ALDH1A3: variants seen among roughly 807,000 people sequenced by gnomAD.
ALDH1A3 encodes aldehyde dehydrogenase 1 family member A3.
Under a neutral mutation model 57.5 loss-of-function variants are expected in ALDH1A3, and 28 were observed. That is an observed-to-expected ratio of 0.49 (90% CI 0.36 to 0.67). ALDH1A3 has a LOEUF of 0.67. Among genes scored for constraint, ALDH1A3 ranks in the 30% least tolerant of loss-of-function variants. The probability of loss-of-function intolerance (pLI) is 0.00; values close to 1 mark genes in which losing one functional copy is unlikely to be tolerated. For missense variants in ALDH1A3, 507 were observed against 669.4 expected (o/e 0.76, Z 2.68); for synonymous variants, 281 against 264.8 (o/e 1.06, Z -0.59).
At chr15:100,903,722 G>C (rs2041794105) in intron 9 of ALDH1A3, among the ~76,000 whole-genome samples, 1 of 152,136 alleles carries the variant, frequency 6.6e-6, no homozygotes, top group African/African-American at 2.4e-5. Context: ...ATGCTATCTT[G>C]TTTCATTTTA....
chr15:100,886,688 C>T (rs1405878127), intron 2 of ALDH1A3, among the ~76,000 whole-genome samples: 2 of 152,174 alleles, frequency 1.3e-5, no homozygotes, highest in Non-Finnish European at 2.9e-5. Context: ...GAAAAAGAGA[C>T]AGTGACACTA....
chr15:100,894,210 G>C lies in ALDH1A3; in HGVS notation c.666+128G>C. The C allele has an allele frequency of 7.9e-7, 1 of 1,260,920 alleles. No homozygotes were observed. The highest frequency in any genetic ancestry group is 2.4e-5 in the East Asian group (1 of 42,410). The allele number at this position is 1,260,920 out of a possible 1,614,324, so 78.1% of individuals were successfully genotyped here. ...TCGAGTGGGAAGGGAATGACTTCCAGTGTTTTGTTTGGCGACTGCACGTTC... is the reference window on the plus strand; with the variant it reads ...TCGAGTGGGAAGGGAATGACTTCCACTGTTTTGTTTGGCGACTGCACGTTC... On this transcript the variant is annotated intron_variant, in intron 6 of 12. Transcript: ENST00000329841. This position sits in a 1 kb window ranked among gnomAD's most constrained non-coding sequence, Gnocchi z 4.5.
rs889816801 is a variant in ALDH1A3, at chr15:100,893,508, G to A, written c.538-446G>A. The A allele has an allele frequency of 1.2e-4, 21 of 169,864 alleles. No individual in the cohort carries two copies. The highest frequency in any genetic ancestry group is 2.9e-4 in the Admixed American group (5 of 17,396). 10.5% of individuals were successfully genotyped at this position (169,864 alleles called of 1,614,324 possible). ...CAGCAGCTTTGGCTGCTAAGGGGCCGGGACTTTATTCATTGGGCGGTGGGG... is the reference window on the plus strand; with the variant it reads ...CAGCAGCTTTGGCTGCTAAGGGGCCAGGACTTTATTCATTGGGCGGTGGGG... On this transcript the variant is annotated intron_variant, in intron 5 of 12. Transcript: ENST00000329841. The surrounding 1 kb of genome is among the most constrained non-coding windows in gnomAD (Gnocchi z 4.8).
intron 1 of ALDH1A3, among the ~76,000 whole-genome samples, chr15:100,883,789 TG>T (rs1240519420): frequency 6.6e-6 from 1 of 152,156 alleles, no homozygotes; most frequent in East Asian, 1.9e-4. Context: ...AAGCCGGAGC[TG>T]TGGAGTTTAT....
At chr15:100,880,279 T>A in intron 1 of ALDH1A3, 1 of 384,284 alleles carries the variant, frequency 2.6e-6, no homozygotes. Flanking sequence ...CCCGCATCCC[T>A]GCGAGGCCCC....
intron 11 of ALDH1A3, 92 bp from the exon 12 acceptor site, chr15:100,908,316 C>T (rs914711200): frequency 5.7e-5 from 59 of 1,044,014 alleles, no homozygotes; most frequent in Non-Finnish European, 8.5e-5. Context: ...GTTTATTAGA[C>T]AATGCCCTGC....
chr15:100,886,461 G>A (rs2041595786), intron 2 of ALDH1A3, among the ~76,000 whole-genome samples: 1 of 152,136 alleles, frequency 6.6e-6, no homozygotes, highest in Non-Finnish European at 1.5e-5. Flanking sequence ...TCTGCAGCTG[G>A]AAAGGTCCTG....
At position 100,916,502 on chromosome 15, in the gene ALDH1A3, C is replaced by T. The variant is rs952827451; in HGVS notation, c.*1729C>T. 6.6e-6 allele frequency: 1 copy of T among 152,408 alleles called. No individual in the cohort carries two copies. Among genetic ancestry groups the T allele is most frequent in the Non-Finnish European group, 1.5e-5 (1 of 68,042 alleles). The allele number at this position is 152,408 out of a possible 1,614,324, so 9.4% of individuals were successfully genotyped here. A position where few individuals can be genotyped will look rare whatever the true frequency, so the allele number is the denominator to read the frequency against. On this transcript the variant is annotated 3_prime_UTR_variant, in exon 13 of 13. Transcript: ENST00000329841. The stretch of plus-strand genomic sequence containing the variant: ...TGGAAATATATATAGTGTTAGGTTT[C>T]ACTTCTTTTAAGGTTTACCCCTGTG...
At chr15:100,914,587 A>T in intron 12 of ALDH1A3, 114 bp from the exon 13 acceptor site, 1 of 927,906 alleles carries the variant, frequency 1.1e-6, no homozygotes, top group Non-Finnish European at 1.6e-6. Context: ...TCACATTTTA[A>T]CCTTTTGCAT....
chr15:100,896,025 C>T lies in ALDH1A3; in HGVS notation c.759C>T (p.Ile253=), dbSNP rs777590260. 5.6e-6 allele frequency: 9 copies of T among 1,611,306 alleles called. No homozygotes were observed. Among genetic ancestry groups the T allele is most frequent in the African/African-American group, 1.3e-5 (1 of 74,846 alleles). The change falls in exon 7 of 13, where the codon ATC becomes ATT. Residue 253 remains isoleucine, a synonymous_variant. Transcript: ENST00000329841. ...AISSHPQINK[I]AFTGSTEVGK... ...CTTCTCACCCTCAGATCAACAAGAT[C>T]GCCTTCACCGGCTCCACAGAGGTAA...
intron 3 of ALDH1A3, among the ~76,000 whole-genome samples, chr15:100,891,906 ACT>A: frequency 6.6e-6 from 1 of 151,804 alleles, no homozygotes; most frequent in East Asian, 1.9e-4. Flanking sequence ...CTCCCTTCCG[ACT>A]CTGCATCCGG....
chr15:100,904,429 C>T (rs1405841149), intron 9 of ALDH1A3, among the ~76,000 whole-genome samples: 1 of 152,232 alleles, frequency 6.6e-6, no homozygotes, highest in Non-Finnish European at 1.5e-5. Flanking sequence ...TATGCCCTCT[C>T]TCCTGCTCCT....
In ALDH1A3 at chr15:100,893,525, G is replaced by C. The variant is rs2041672378; in HGVS notation, c.538-429G>C. The C allele has an allele frequency of 1.2e-5, 2 of 171,600 alleles. No homozygotes were observed. Among genetic ancestry groups the C allele is most frequent in the South Asian group, 3.4e-4 (2 of 5,944 alleles). The allele number at this position is 171,600 out of a possible 1,614,324, so 10.6% of individuals were successfully genotyped here. A position where few individuals can be genotyped will look rare whatever the true frequency, so the allele number is the denominator to read the frequency against. ...AAGGGGCCGGGACTTTATTCATTGG[G>C]CGGTGGGGATGCTTATAGGTGCCCA... On this transcript the variant is annotated intron_variant, in intron 5 of 12. Coordinates refer to ENST00000329841, the MANE Select transcript of ALDH1A3 (RefSeq NM_000693.4). The surrounding 1 kb of genome is among the most constrained non-coding windows in gnomAD (Gnocchi z 4.8).
At chr15:100,899,851 G>A (rs2041748124) in intron 8 of ALDH1A3, among the ~76,000 whole-genome samples, 1 of 152,190 alleles carries the variant, frequency 6.6e-6, no homozygotes, top group African/African-American at 2.4e-5. Flanking sequence ...ACCTTCCAAT[G>A]CCCAGAGCCA....
intron 8 of ALDH1A3, 71 bp from the exon 9 acceptor site, chr15:100,900,504 C>A: frequency 7.2e-7 from 1 of 1,398,330 alleles, no homozygotes; most frequent in Non-Finnish European, 9.8e-7. Flanking sequence ...TTGCAGCTGT[C>A]ACCAGTCCTG....
chr15:100,903,243 G>A (rs2041789106), intron 9 of ALDH1A3, among the ~76,000 whole-genome samples: 1 of 148,626 alleles, frequency 6.7e-6, no homozygotes, highest in South Asian at 2.1e-4. Flanking sequence ...ATGTTTTCGT[G>A]TGCATGCAAG....
intron 12 of ALDH1A3, 57 bp downstream of exon 12, chr15:100,908,539 T>C (rs2041849318): frequency 6.8e-7 from 1 of 1,474,946 alleles, no homozygotes; most frequent in African/African-American, 1.4e-5. Context: ...TCCACTAGAT[T>C]TGCAGGCAGT....
At chr15:100,900,100 C>T (rs1015928529) in intron 8 of ALDH1A3, among the ~76,000 whole-genome samples, 2 of 152,220 alleles carry the variant, frequency 1.3e-5, no homozygotes, top group African/African-American at 4.8e-5. Flanking sequence ...TTAGTCAGCC[C>T]TTCTAAGTCA....
chr15:100,892,911 G>A, intron 4 of ALDH1A3, 34 bp from the exon 5 acceptor site: 2 of 1,609,728 alleles, frequency 1.2e-6, no homozygotes, highest in Non-Finnish European at 8.5e-7. Context: ...GACTAAGTGA[G>A]TGTGTCCTTC....
Sources: allele counts gnomAD v4.1 joint callset (sites outside exome capture counted in the v4.1 genomes callset), GRCh38; gene constraint gnomAD v4.1.1; non-coding constraint Gnocchi (gnomAD v3.1); transcripts MANE v1.5; gene names NCBI Gene and HGNC (gene_info 2026-07-23, HGNC 2026-07-21).